Variants in HERC3 observed in about 807,000 individuals in gnomAD.
The protein encoded by HERC3 is probable E3 ubiquitin-protein ligase HERC3.
In HERC3, 58 loss-of-function variants were observed where a neutral mutation model predicts 129.9. That is an observed-to-expected ratio of 0.45 (90% CI 0.36 to 0.56). HERC3 has a LOEUF of 0.56. Ranked by LOEUF, HERC3 falls within the 20% of genes least tolerant of loss-of-function variation. The probability of loss-of-function intolerance (pLI) is 0.00; values close to 1 mark genes in which losing one functional copy is unlikely to be tolerated. For synonymous variants in HERC3, 430 were observed against 451.0 expected, an observed-to-expected ratio of 0.95 and a Z score of 0.59; for missense variants, 835 against 1,244.2, an observed-to-expected ratio of 0.67 and a Z score of 4.95.
chr4:88,662,387 T>C (rs1730582094), intron 10 of HERC3, 44 bp from the exon 11 acceptor site: 1 of 1,564,230 alleles, frequency 6.4e-7, no homozygotes, highest in Non-Finnish European at 8.7e-7. Context: ...ACAAGATCCA[T>C]GCTACATAAT....
Position 88,605,851 on chromosome 4 carries a change from G to A in HERC3, c.28G>A (p.Gly10Ser). Reference sequence around the variant, plus strand: ...GTTATGTTGGGGATATTGGTCTCTGGGCCAACCTGGTATCAGCACCAACCT... The same window carrying A: ...GTTATGTTGGGGATATTGGTCTCTGAGCCAACCTGGTATCAGCACCAACCT... The part of the protein sequence containing the change: MLCWGYWSL[G>S]QPGISTNLQG... The change falls in exon 3 of 26, where the codon GGC (glycine) becomes AGC (serine). Residue 10 changes from glycine to serine, a missense_variant. Coordinates refer to ENST00000402738, the MANE Select transcript of HERC3 (RefSeq NM_014606.3). 6.2e-7 allele frequency: 1 copy of A among 1,614,058 alleles called. No individual in the cohort carries two copies. The highest frequency in any genetic ancestry group is 8.5e-7 in the Non-Finnish European group (1 of 1,179,972).
intron 16 of HERC3, among the ~76,000 whole-genome samples, chr4:88,671,629 T>C (rs778714653): frequency 8.5e-5 from 13 of 152,130 alleles, no homozygotes; most frequent in South Asian, 6.2e-4. Flanking sequence ...GCTCAAGCCA[T>C]TCTCCCACCT....
intron 11 of HERC3, among the ~76,000 whole-genome samples, chr4:88,663,409 G>C (rs930365481): frequency 1.3e-5 from 2 of 152,046 alleles, no homozygotes; most frequent in African/African-American, 4.8e-5. Flanking sequence ...GGCTTGCTGG[G>C]GTCCAGCAAG....
At chr4:88,537,478 CTG>C in the HERC3 span, among the ~76,000 whole-genome samples, 2 of 152,174 alleles carry the variant, frequency 1.3e-5, no homozygotes, top group African/African-American at 2.4e-5. Context: ...AGAAGTAACA[CTG>C]TGTCATTTTT....
chr4:88,646,908 T>C (rs1728747343), intron 3 of HERC3, among the ~76,000 whole-genome samples: 1 of 152,206 alleles, frequency 6.6e-6, no homozygotes, highest in South Asian at 2.1e-4. Context: ...TTTCTGCCTT[T>C]GTGGCTGCAG....
chr4:88,698,672 C>T (rs544408170), intron 23 of HERC3, among the ~76,000 whole-genome samples: 2 of 151,034 alleles, frequency 1.3e-5, no homozygotes, highest in South Asian at 4.2e-4. Context: ...GTCTTCCCTG[C>T]CTTCCCCCAA....
Position 88,625,076 on chromosome 4 carries a change from G to A in HERC3, c.226+19027G>A, listed in dbSNP as rs951238327. On this transcript the variant is annotated intron_variant, in intron 3 of 25. Coordinates refer to ENST00000402738, the MANE Select transcript of HERC3 (RefSeq NM_014606.3). ...ACATGTCTTTCCTTAGTATTACACTGTGTTGATTACTGTAGCTTTATAGTA... is the reference window on the plus strand; with the variant it reads ...ACATGTCTTTCCTTAGTATTACACTATGTTGATTACTGTAGCTTTATAGTA... Among the ~76,000 whole-genome samples the A allele has an allele frequency of 1.2e-4, 18 of 152,168 alleles. 1 individual carries two copies. Among genetic ancestry groups the A allele is most frequent in the Admixed American group, 9.8e-4 (15 of 15,280 alleles).
chr4:88,658,839 G>C (rs1206756248), intron 10 of HERC3, among the ~76,000 whole-genome samples: 3 of 152,188 alleles, frequency 2.0e-5, no homozygotes, highest in Admixed American at 2.0e-4. Context: ...GGCAACAAAT[G>C]CTAGGTGTTT....
the HERC3 span, among the ~76,000 whole-genome samples, chr4:88,534,668 T>C: frequency 6.6e-6 from 1 of 152,154 alleles, no homozygotes; most frequent in African/African-American, 2.4e-5. Flanking sequence ...TTTAAAAGCC[T>C]CATGCTCTCA....
chr4:88,528,345 A>G, the HERC3 span, among the ~76,000 whole-genome samples: 1 of 152,152 alleles, frequency 6.6e-6, no homozygotes, highest in South Asian at 2.1e-4. Flanking sequence ...GGGACTTTCC[A>G]TCTCAGGCAG....
At chr4:88,652,842 G>C (rs754386355) in intron 5 of HERC3, 27 bp from the exon 6 acceptor site, 2 of 1,586,404 alleles carry the variant, frequency 1.3e-6, no homozygotes, top group South Asian at 2.2e-5. Flanking sequence ...TCATTTTATG[G>C]TAATACCAGT....
rs116270708 is a variant in HERC3, at chr4:88,678,309, A to C, written c.2196+175A>C. Among the ~76,000 whole-genome samples, 356 of 152,310 alleles carry C rather than the reference A, an allele frequency of 2.3e-3. 2 individuals are homozygous for C. Among genetic ancestry groups the C allele is most frequent in the African/African-American group, 8.3e-3 (347 of 41,584 alleles). On this transcript the variant is annotated intron_variant, in intron 19 of 25. Coordinates refer to ENST00000402738, the MANE Select transcript of HERC3 (RefSeq NM_014606.3). ...ACCAAACAGAACACCTCAATGTAAC[A>C]TTGGATAAAAATGCCAGTGGATTAT...
intron 3 of HERC3, among the ~76,000 whole-genome samples, chr4:88,647,519 A>T (rs1206442518): frequency 6.6e-6 from 1 of 152,166 alleles, no homozygotes; most frequent in Non-Finnish European, 1.5e-5. Flanking sequence ...AGCGTTCCTT[A>T]CATTTTTGCA....
At chr4:88,557,178 A>G in the HERC3 span, among the ~76,000 whole-genome samples, 1 of 152,030 alleles carries the variant, frequency 6.6e-6, no homozygotes, top group Non-Finnish European at 1.5e-5. Context: ...AGGCAACCAT[A>G]GCGCCTGATT....
chr4:88,542,399 T>C, the HERC3 span, among the ~76,000 whole-genome samples: 29 of 152,090 alleles, frequency 1.9e-4, no homozygotes, highest in African/African-American at 7.0e-4. Context: ...CAGGAAGAAG[T>C]TGAATCTCTG....
intron 14 of HERC3, among the ~76,000 whole-genome samples, chr4:88,669,550 C>T (rs893321848): frequency 3.3e-5 from 5 of 152,104 alleles, no homozygotes; most frequent in Admixed American, 3.3e-4. Flanking sequence ...ATACATTGGG[C>T]ATCACTCCTG....
At chr4:88,698,997 C>T (rs1374233041) in intron 23 of HERC3, among the ~76,000 whole-genome samples, 8 of 128,568 alleles carry the variant, frequency 6.2e-5, no homozygotes, top group Non-Finnish European at 3.2e-5. Flanking sequence ...TTTTTCCTCA[C>T]GCTCCTCACC....
At position 88,649,748 on chromosome 4, in the gene HERC3, A is replaced by G. The variant is rs145124201; in HGVS notation, c.227-92A>G. On this transcript the variant is annotated intron_variant, in intron 3 of 25. Coordinates refer to ENST00000402738, the MANE Select transcript of HERC3 (RefSeq NM_014606.3). ...CAGATTAAGTGGTTCTTGTTAAAAA[A>G]TAAAACTGCCCAGGAAGATAATCCT... is the stretch of plus-strand genomic sequence containing the variant. 3.4e-3 allele frequency: 3,662 copies of G among 1,089,928 alleles called. 100 individuals are homozygous for G. The African/African-American group carries it at 0.051, about 15-fold the overall frequency. 67.5% of individuals were successfully genotyped at this position (1,089,928 alleles called of 1,614,324 possible). A position where few individuals can be genotyped will look rare whatever the true frequency, so the allele number is the denominator to read the frequency against.
the HERC3 span, among the ~76,000 whole-genome samples, chr4:88,525,419 G>GA: frequency 6.6e-6 from 1 of 152,214 alleles, no homozygotes; most frequent in Non-Finnish European, 1.5e-5. Context: ...TCTGCTTAAG[G>GA]AGAAACAGCG....
Sources: gnomAD v4.1 joint callset for allele counts (sites outside exome capture counted in the v4.1 genomes callset) on GRCh38, gnomAD v4.1.1 for gene constraint, MANE v1.5 for transcripts, NCBI Gene and HGNC (gene_info 2026-07-23, HGNC 2026-07-21) for gene names.